Variants in ASIC2 observed in about 807,000 individuals in gnomAD.
ASIC2 encodes acid-sensing ion channel 2.
ASIC2 carries 25 observed loss-of-function variants against 57.3 expected under a neutral mutation model. The observed-to-expected ratio is 0.44, with a 90% CI of 0.32 to 0.61. The LOEUF is 0.61. Among genes scored for constraint, ASIC2 ranks in the 20% least tolerant of loss-of-function variants. The pLI, the probability that ASIC2 is intolerant of heterozygous loss-of-function variation, is 0.06. For missense variants in ASIC2, 641 were observed against 738.1 expected, an observed-to-expected ratio of 0.87 and a Z score of 1.52; for synonymous variants, 319 against 307.5, an observed-to-expected ratio of 1.04 and a Z score of -0.39.
intron 1 of ASIC2, among the ~76,000 whole-genome samples, chr17:33,390,784 A>G (rs1399199860): frequency 2.0e-5 from 3 of 152,256 alleles, no homozygotes; most frequent in Non-Finnish European, 2.9e-5. Context: ...CGAGAGCCTC[A>G]GTCTCTTTGG....
At chr17:34,032,923 T>C (rs1907682685) in intron 1 of ASIC2, among the ~76,000 whole-genome samples, 1 of 152,138 alleles carries the variant, frequency 6.6e-6, no homozygotes, top group Non-Finnish European at 1.5e-5. Flanking sequence ...TGGGAGACTT[T>C]AACACCCCAC....
intron 1 of ASIC2, among the ~76,000 whole-genome samples, chr17:34,095,895 C>T (rs1910529649): frequency 6.6e-6 from 1 of 151,566 alleles, no homozygotes; most frequent in Non-Finnish European, 1.5e-5. Flanking sequence ...GTACTAGGTT[C>T]CTTGCCTATA....
intron 7 of ASIC2, among the ~76,000 whole-genome samples, chr17:33,019,685 C>T (rs921615488): frequency 2.0e-5 from 3 of 152,100 alleles, no homozygotes; most frequent in Non-Finnish European, 2.9e-5. Context: ...GCAGCATGAG[C>T]TCCTCAGCCG....
intron 1 of ASIC2, among the ~76,000 whole-genome samples, chr17:33,243,676 A>G (rs1406604226): frequency 3.3e-5 from 5 of 152,232 alleles, no homozygotes; most frequent in Non-Finnish European, 7.3e-5. Context: ...ATCTTCTTTG[A>G]AGACGTGAAT....
At chr17:33,309,025 G>A (rs1906296845) in intron 1 of ASIC2, among the ~76,000 whole-genome samples, 1 of 152,138 alleles carries the variant, frequency 6.6e-6, no homozygotes, top group Non-Finnish European at 1.5e-5. Flanking sequence ...TGCAACTAGG[G>A]ATAATGAAGT....
intron 1 of ASIC2, among the ~76,000 whole-genome samples, chr17:33,841,418 C>T (rs1016127736): frequency 6.6e-5 from 10 of 152,276 alleles, no homozygotes; most frequent in Admixed American, 3.9e-4. Flanking sequence ...GCCTAAAGTG[C>T]TGGAGGCTAT....
chr17:33,959,715 A>T (rs1479838586), intron 1 of ASIC2, among the ~76,000 whole-genome samples: 3 of 152,236 alleles, frequency 2.0e-5, no homozygotes, highest in Non-Finnish European at 2.9e-5. Context: ...CCATGCTGGC[A>T]GCTGACTAGA....
chr17:33,445,885 T>C (rs374973419), intron 1 of ASIC2, among the ~76,000 whole-genome samples: 2 of 152,028 alleles, frequency 1.3e-5, no homozygotes, highest in African/African-American at 4.8e-5. Context: ...TGTGAAATCA[T>C]GTTGCAAACT....
At chr17:33,411,774 T>G (rs1910669955) in intron 1 of ASIC2, among the ~76,000 whole-genome samples, 1 of 152,176 alleles carries the variant, frequency 6.6e-6, no homozygotes, top group Non-Finnish European at 1.5e-5. Flanking sequence ...CTGAGCGAGG[T>G]ATCTTTGGCC....
At chr17:34,147,343 A>G (rs1014643738) in intron 1 of ASIC2, among the ~76,000 whole-genome samples, 1 of 152,232 alleles carries the variant, frequency 6.6e-6, no homozygotes, top group Admixed American at 6.5e-5. Context: ...TCTGTTTTAT[A>G]TGCTTAATTT....
At chr17:33,241,480 C>T (rs1490347780) in intron 1 of ASIC2, among the ~76,000 whole-genome samples, 1 of 152,220 alleles carries the variant, frequency 6.6e-6, no homozygotes, top group African/African-American at 2.4e-5. Flanking sequence ...GGGGAGTCCA[C>T]AGAATTCTGG....
intron 1 of ASIC2, among the ~76,000 whole-genome samples, chr17:33,726,348 C>A (rs918574537): frequency 5.9e-5 from 9 of 152,294 alleles, no homozygotes; most frequent in East Asian, 1.9e-4. Flanking sequence ...CCCCGCTGAA[C>A]CCAGTCAGCT....
chr17:33,904,730 C>T (rs1363370872), intron 1 of ASIC2, among the ~76,000 whole-genome samples: 2 of 152,174 alleles, frequency 1.3e-5, no homozygotes, highest in Admixed American at 1.3e-4. Flanking sequence ...AGAAGGACCC[C>T]TCATAGATGT....
At chr17:33,799,142 T>G (rs980215891) in intron 1 of ASIC2, among the ~76,000 whole-genome samples, 1 of 152,210 alleles carries the variant, frequency 6.6e-6, no homozygotes, top group East Asian at 1.9e-4. Flanking sequence ...TAAGTGGACT[T>G]GTTACCTTTA....
At chr17:33,820,359 A>G (rs1473332541) in intron 1 of ASIC2, among the ~76,000 whole-genome samples, 1 of 152,262 alleles carries the variant, frequency 6.6e-6, no homozygotes, top group Non-Finnish European at 1.5e-5. Flanking sequence ...CTACAAAAAA[A>G]GAAGGTAAAC....
At chr17:33,667,163 G>T (rs895471316) in intron 1 of ASIC2, among the ~76,000 whole-genome samples, 15 of 152,096 alleles carry the variant, frequency 9.9e-5, no homozygotes, top group African/African-American at 3.4e-4. Flanking sequence ...CCACCTATTG[G>T]ATGCACAGTG....
At chr17:33,143,028 G>A (rs1904387251) in intron 1 of ASIC2, among the ~76,000 whole-genome samples, 1 of 152,278 alleles carries the variant, frequency 6.6e-6, no homozygotes, top group South Asian at 2.1e-4. Context: ...GATGAGCTGC[G>A]AGAAGAAAAC....
At chr17:33,514,804 A>G (rs932054080) in intron 1 of ASIC2, among the ~76,000 whole-genome samples, 7 of 152,158 alleles carry the variant, frequency 4.6e-5, no homozygotes, top group African/African-American at 1.7e-4. Flanking sequence ...TTCTTCCCTG[A>G]TTCATGGCTT....
chr17:33,219,197 T>A (rs1190151163), intron 1 of ASIC2, among the ~76,000 whole-genome samples: 1 of 152,170 alleles, frequency 6.6e-6, no homozygotes, highest in Admixed American at 6.5e-5. Context: ...TTCTAAGTAG[T>A]TGATGGCTTC....
Sources: allele counts gnomAD v4.1 joint callset (sites outside exome capture counted in the v4.1 genomes callset), GRCh38; gene constraint gnomAD v4.1.1; transcripts MANE v1.5; gene names NCBI Gene and HGNC (gene_info 2026-07-23, HGNC 2026-07-21).